The following GSDME variants were observed in gnomAD, a reference collection of about 807,000 sequenced individuals.
The protein encoded by GSDME is gasdermin E.
Under a neutral mutation model 47.5 loss-of-function variants are expected in GSDME, and 44 were observed. That is an observed-to-expected ratio of 0.93 (90% CI 0.73 to 1.19). The LOEUF is 1.19. GSDME is among the 50% of genes most tolerant of loss of function. GSDME has a pLI of 0.00. For missense variants in GSDME, 663 were observed against 604.2 expected (o/e 1.10, Z -1.02); for synonymous variants, 258 against 252.8 (o/e 1.02, Z -0.20).
intron 3 of GSDME, among the ~76,000 whole-genome samples, chr7:24,723,518 A>G (rs1451278643): frequency 6.6e-6 from 1 of 152,232 alleles, no homozygotes; most frequent in Non-Finnish European, 1.5e-5. Flanking sequence ...ATTTTATTAT[A>G]AGCATTTAAA....
intron 5 of GSDME, 48 bp from the exon 6 acceptor site, chr7:24,710,436 T>G: frequency 6.2e-7 from 1 of 1,604,352 alleles, no homozygotes; most frequent in Non-Finnish European, 8.5e-7. Context: ...GAGTCTAAGG[T>G]GTGCCAACAA....
chr7:24,707,478 C>T (rs1789159927), intron 7 of GSDME: 1 of 468,346 alleles, frequency 2.1e-6, no homozygotes, highest in African/African-American at 2.0e-5. Context: ...CTAAATGGAA[C>T]AGGCTGACTT....
Position 24,744,392 on chromosome 7 carries a change from A to G in GSDME, c.404+170T>C. On this transcript the variant is annotated intron_variant, in intron 3 of 9. Transcript: ENST00000645220. This position sits in a 1 kb window ranked among gnomAD's most constrained non-coding sequence, Gnocchi z 4.5. ...CCACTCAGGCTAAGAACAGTCAAGC[A>G]ATTCCAGACTAAAGAATGTGCTCCT... is the stretch of plus-strand genomic sequence containing the variant. The G allele has an allele frequency of 1.3e-6, 1 of 768,878 alleles. No individual in the cohort carries two copies. The highest frequency in any genetic ancestry group is 2.2e-6 in the Non-Finnish European group (1 of 457,164). The allele number at this position is 768,878 out of a possible 1,614,324, so 47.6% of individuals were successfully genotyped here.
At chr7:24,776,180 C>CAAAAAAAAA in the GSDME span, among the ~76,000 whole-genome samples, 10 of 70,690 alleles carry the variant, frequency 1.4e-4, no homozygotes, top group Admixed American at 5.2e-4. Flanking sequence ...AACTCCATCT[C>CAAAAAAAAA]AAAAAAAAAA....
At chr7:24,707,454 T>C (rs759121700) in intron 7 of GSDME, 1 of 471,404 alleles carries the variant, frequency 2.1e-6, no homozygotes, top group South Asian at 1.5e-5. Context: ...CAAAAGCCTA[T>C]TTATTTCTCT....
chr7:24,702,339 A>T (rs940627371), intron 9 of GSDME: 1 of 320,320 alleles, frequency 3.1e-6, no homozygotes, highest in African/African-American at 2.2e-5. Context: ...TCTCCCTGGG[A>T]CAGATCAGTC....
chr7:24,703,745 C>T, intron 8 of GSDME: 1 of 152,624 alleles, frequency 6.6e-6, no homozygotes, highest in Non-Finnish European at 1.5e-5. Context: ...GGTGGGGCAG[C>T]AGCCAGGGGG....
At chr7:24,776,132 A>G in the GSDME span, among the ~76,000 whole-genome samples, 19 of 139,254 alleles carry the variant, frequency 1.4e-4, no homozygotes, top group African/African-American at 5.1e-4. Context: ...GTGACCTGAG[A>G]CCGGGCCATT....
rs1419027877 is a variant in GSDME at position 24,724,032 on chromosome 7, C to A, written c.405-4814G>T. ...GCCCTGTGAGAGCCACTGAGCAACA[C>A]AGACAGAATGGCTTTAGAGACACAG... On this transcript the variant is annotated intron_variant, in intron 3 of 9. Transcript: ENST00000645220. The surrounding 1 kb of genome is among the most constrained non-coding windows in gnomAD (Gnocchi z 4.8). 6.6e-6 allele frequency among the ~76,000 whole-genome samples: 1 copy of A among 152,168 alleles called. No homozygotes were observed. Among genetic ancestry groups the A allele is most frequent in the Non-Finnish European group, 1.5e-5 (1 of 68,034 alleles).
At chr7:24,707,145 G>A (rs1234377779) in intron 7 of GSDME, 2 of 365,420 alleles carry the variant, frequency 5.5e-6, no homozygotes, top group Non-Finnish European at 1.1e-5. Context: ...CTGATACCCA[G>A]GCTCTTTCGG....
In GSDME at chr7:24,756,250, C is replaced by A. The variant is rs1213907086; in HGVS notation, c.-20+1146G>T. On this transcript the variant is annotated intron_variant, in intron 1 of 9. Coordinates refer to ENST00000645220, the MANE Select transcript of GSDME (RefSeq NM_001127453.2). This position sits in a 1 kb window ranked among gnomAD's most constrained non-coding sequence, Gnocchi z 4.2. ...CGGTGTGGTGGCAGGCACCTGCGGT[C>A]TCAGCTACGGGTGTATGGGAGGATC... Among the ~76,000 whole-genome samples, 1 of 152,146 alleles carries A rather than the reference C, an allele frequency of 6.6e-6. No individual in the cohort carries two copies. Among genetic ancestry groups the A allele is most frequent in the Non-Finnish European group, 1.5e-5 (1 of 68,036 alleles).
rs1012268680 is a variant in GSDME at position 24,745,947 on chromosome 7, G to C, written c.212-1193C>G. On this transcript the variant is annotated intron_variant, in intron 2 of 9. Coordinates refer to ENST00000645220, the MANE Select transcript of GSDME (RefSeq NM_001127453.2). The surrounding 1 kb of genome is among the most constrained non-coding windows in gnomAD (Gnocchi z 4.4). Reference sequence around the variant, plus strand: ...AGAGTCCACTAGGAACCTCACACTTGGCCTTTTCCATTGTCCTGACCCAAG... The same window carrying C: ...AGAGTCCACTAGGAACCTCACACTTCGCCTTTTCCATTGTCCTGACCCAAG... Among the ~76,000 whole-genome samples, 2 of 152,116 alleles carry C rather than the reference G, an allele frequency of 1.3e-5. No homozygotes were observed. Among genetic ancestry groups the C allele is most frequent in the Non-Finnish European group, 2.9e-5 (2 of 68,024 alleles).
chr7:24,735,522 C>T lies in GSDME; in HGVS notation c.404+9040G>A, dbSNP rs1177330703. 1.3e-5 allele frequency among the ~76,000 whole-genome samples: 2 copies of T among 151,956 alleles called. No homozygotes were observed. Among genetic ancestry groups the T allele is most frequent in the African/African-American group, 2.4e-5 (1 of 41,368 alleles). On this transcript the variant is annotated intron_variant, in intron 3 of 9. Transcript: ENST00000645220. The surrounding 1 kb of genome is among the most constrained non-coding windows in gnomAD (Gnocchi z 4.4). ...CTGTAATCCCAGCAGTTTGGGAGGC[C>T]GAGGTGGGTGTATCACCTGAAGACA...
At chr7:24,788,943 G>A in the GSDME span, among the ~76,000 whole-genome samples, 4 of 152,080 alleles carry the variant, frequency 2.6e-5, no homozygotes, top group Non-Finnish European at 5.9e-5. The surrounding 1 kb of genome is among the most constrained non-coding windows in gnomAD (Gnocchi z 4.6). Flanking sequence ...TCCACTAACT[G>A]TTATGCAAAT....
rs1482957467 is a variant in GSDME at position 24,732,222 on chromosome 7, T to C, written c.404+12340A>G. Reference sequence around the variant, plus strand: ...GTGCTGAGTAAAGCACAAAGACAAATGGGATGATTTTCAAACCCTCTGGTA... The same window carrying C: ...GTGCTGAGTAAAGCACAAAGACAAACGGGATGATTTTCAAACCCTCTGGTA... On this transcript the variant is annotated intron_variant, in intron 3 of 9. Transcript: ENST00000645220. The surrounding 1 kb of genome is among the most constrained non-coding windows in gnomAD (Gnocchi z 4.8). 6.6e-6 allele frequency among the ~76,000 whole-genome samples: 1 copy of C among 152,138 alleles called. No homozygotes were observed. Among genetic ancestry groups the C allele is most frequent in the Non-Finnish European group, 1.5e-5 (1 of 68,024 alleles).
At chr7:24,703,499 G>A (rs997535208) in intron 8 of GSDME, 2 of 157,826 alleles carry the variant, frequency 1.3e-5, no homozygotes, top group African/African-American at 4.8e-5. Flanking sequence ...ACACCTCCCA[G>A]GGAAAACACA....
At chr7:24,762,834 T>C (rs1367516038), upstream of GSDME, among the ~76,000 whole-genome samples, 1 of 130,838 alleles carries the variant, frequency 7.6e-6, no homozygotes, top group Non-Finnish European at 1.5e-5. Flanking sequence ...AAGGTACTTC[T>C]AGGTTTTGGG....
upstream of GSDME, among the ~76,000 whole-genome samples, chr7:24,758,810 T>C (rs1760709601): frequency 6.6e-6 from 1 of 152,232 alleles, no homozygotes; most frequent in South Asian, 2.1e-4. The surrounding 1 kb of genome is among the most constrained non-coding windows in gnomAD (Gnocchi z 4.6). Flanking sequence ...TCTGATAGAC[T>C]GTGTGCCTCT....
At chr7:24,701,429 G>T (rs1331118898) in intron 9 of GSDME, among the ~76,000 whole-genome samples, 3 of 152,222 alleles carry the variant, frequency 2.0e-5, no homozygotes, top group Non-Finnish European at 2.9e-5. Context: ...GAGCTGATCT[G>T]CAGGGAGGAG....
Sources: gnomAD v4.1 joint callset for allele counts (sites outside exome capture counted in the v4.1 genomes callset) on GRCh38, gnomAD v4.1.1 for gene constraint, Gnocchi (gnomAD v3.1) non-coding constraint, MANE v1.5 for transcripts, NCBI Gene and HGNC (gene_info 2026-07-23, HGNC 2026-07-21) for gene names.